The following AGBL1 variants were observed in gnomAD, a reference collection of about 807,000 sequenced individuals.
AGBL1 encodes the protein cytosolic carboxypeptidase 4.
In AGBL1, 130 loss-of-function variants were observed where a neutral mutation model predicts 118.9. The observed-to-expected ratio is 1.09, with a 90% CI of 0.95 to 1.26. The LOEUF (loss-of-function observed/expected upper bound fraction) is 1.26. Among genes scored for constraint, AGBL1 ranks in the 50% most tolerant of loss-of-function variants. The pLI, the probability that AGBL1 is intolerant of heterozygous loss-of-function variation, is 0.00. For missense variants in AGBL1, 1,584 were observed against 1,298.1 expected (o/e 1.22, Z -3.38); for synonymous variants, 555 against 478.9 (o/e 1.16, Z -2.08).
At chr15:86,829,556 G>GA (rs919935698) in intron 22 of AGBL1, among the ~76,000 whole-genome samples, 8 of 151,620 alleles carry the variant, frequency 5.3e-5, no homozygotes, top group African/African-American at 1.2e-4. Flanking sequence ...CTTGCCATTT[G>GA]AAAAAAAACA....
intron 22 of AGBL1, among the ~76,000 whole-genome samples, chr15:86,745,453 G>T (rs1017635141): frequency 2.0e-5 from 3 of 152,034 alleles, no homozygotes; most frequent in Non-Finnish European, 4.4e-5. Context: ...AAAGTTGTCA[G>T]TAAATGGTCT....
intron 18 of AGBL1, among the ~76,000 whole-genome samples, chr15:86,520,194 T>C (rs1441415138): frequency 6.6e-6 from 1 of 152,204 alleles, no homozygotes; most frequent in African/African-American, 2.4e-5. Flanking sequence ...TCCTTGAGCA[T>C]TTTAGATGTA....
chr15:86,206,496 G>C (rs1174112065), intron 5 of AGBL1, among the ~76,000 whole-genome samples: 1 of 152,116 alleles, frequency 6.6e-6, no homozygotes, highest in Non-Finnish European at 1.5e-5. Flanking sequence ...ACTTTTTAAT[G>C]ATCACCATTC....
chr15:86,507,747 T>A (rs1384835103), intron 18 of AGBL1, among the ~76,000 whole-genome samples: 1 of 152,098 alleles, frequency 6.6e-6, no homozygotes, highest in Non-Finnish European at 1.5e-5. Context: ...CTTGACATAG[T>A]CCAGGTAAAA....
At chr15:86,498,193 C>G (rs1260062313) in intron 18 of AGBL1, among the ~76,000 whole-genome samples, 2 of 151,884 alleles carry the variant, frequency 1.3e-5, no homozygotes, top group African/African-American at 4.8e-5. Context: ...GTCTGCTTTC[C>G]TCTTTATAAT....
In AGBL1 at chr15:86,154,529, G is replaced by T. The variant is rs1429171561; in HGVS notation, c.362G>T (p.Cys121Phe). The change falls in exon 4 of 23, where the codon TGT becomes TTT. Residue 121 changes from cysteine (C) to phenylalanine (F), a missense_variant. By Grantham distance (205) the Cys-to-Phe change is radical. Transcript: ENST00000614907. ...TCCCATGGCCAGAATCTCCTCCACTGTCTCTGGGCTCTGCGTGTGTTTGCC... is the reference window on the plus strand; with the variant it reads ...TCCCATGGCCAGAATCTCCTCCACTTTCTCTGGGCTCTGCGTGTGTTTGCC... Reference protein sequence around the residue: ...NLSHGQNLLHCLWALRVFASS... With the variant: ...NLSHGQNLLHFLWALRVFASS... 1.2e-6 allele frequency: 2 copies of T among 1,612,264 alleles called. No homozygotes were observed. The highest frequency in any genetic ancestry group is 8.5e-7 in the Non-Finnish European group (1 of 1,179,054).
At chr15:86,088,778 T>C (rs1192043187) in intron 1 of AGBL1, among the ~76,000 whole-genome samples, 1 of 152,208 alleles carries the variant, frequency 6.6e-6, no homozygotes, top group Non-Finnish European at 1.5e-5. Flanking sequence ...CAATTCTCAG[T>C]TTAAATACCT....
chr15:86,728,260 C>T (rs1357751309), intron 22 of AGBL1, among the ~76,000 whole-genome samples: 1 of 152,184 alleles, frequency 6.6e-6, no homozygotes, highest in African/African-American at 2.4e-5. Flanking sequence ...CCTTTGGCTT[C>T]CTGCTGCAGG....
At chr15:86,332,002 C>T (rs937989846) in intron 17 of AGBL1, among the ~76,000 whole-genome samples, 1 of 152,132 alleles carries the variant, frequency 6.6e-6, no homozygotes, top group Non-Finnish European at 1.5e-5. Context: ...AAACCAAGAC[C>T]CATCCATCTG....
intron 18 of AGBL1, among the ~76,000 whole-genome samples, chr15:86,402,651 A>G (rs1282900306): frequency 2.0e-5 from 3 of 152,160 alleles, no homozygotes; most frequent in Non-Finnish European, 4.4e-5. Flanking sequence ...CTCTCTCACC[A>G]ATAAAAATGG....
chr15:86,330,037 C>T (rs1356398262), intron 17 of AGBL1, among the ~76,000 whole-genome samples: 2 of 152,188 alleles, frequency 1.3e-5, no homozygotes, highest in African/African-American at 4.8e-5. Context: ...GGTGGCTGCT[C>T]GTTGGATTCT....
At chr15:86,132,819 A>AT (rs901788771) in intron 1 of AGBL1, among the ~76,000 whole-genome samples, 7 of 152,028 alleles carry the variant, frequency 4.6e-5, no homozygotes, top group African/African-American at 1.2e-4. Flanking sequence ...TGTTTTGTTT[A>AT]TTTTTTTTCT....
chr15:86,171,842 G>A (rs934222335), intron 5 of AGBL1, among the ~76,000 whole-genome samples: 4 of 152,136 alleles, frequency 2.6e-5, no homozygotes, highest in African/African-American at 4.8e-5. Context: ...TAAATATACC[G>A]TGGGATACCA....
chr15:86,433,358 A>C (rs1282558174), intron 18 of AGBL1, among the ~76,000 whole-genome samples: 1 of 138,852 alleles, frequency 7.2e-6, no homozygotes, highest in Non-Finnish European at 1.5e-5. Context: ...TGATTGCATC[A>C]TTCTAAATGA....
At chr15:86,259,098 A>G (rs2078943187) in intron 9 of AGBL1, among the ~76,000 whole-genome samples, 1 of 152,196 alleles carries the variant, frequency 6.6e-6, no homozygotes, top group Admixed American at 6.5e-5. Context: ...CACTGTTGGC[A>G]TTTAGACCGG....
At chr15:86,083,660 C>T (rs184107819) in intron 1 of AGBL1, 33 of 152,310 alleles carry the variant, frequency 2.2e-4, no homozygotes, top group Admixed American at 2.0e-3. Context: ...CCACTTCTCC[C>T]CCTTGGACTT....
At chr15:86,528,287 C>A (rs9745004) in intron 19 of AGBL1, among the ~76,000 whole-genome samples, 3,135 of 152,316 alleles carry the variant, frequency 0.021, 102 homozygotes, top group African/African-American at 0.071. Context: ...GAGGCATTGC[C>A]TCACCTGGGA....
At position 86,797,265 on chromosome 15, in the gene AGBL1, A is replaced by T. The variant is rs144201035; in HGVS notation, c.3159-109822A>T. ...TCAGTTAAACTGACATTTTGTGGGT[A>T]TGCACGCTGGAGCTCACTATCCCTG... is the stretch of plus-strand genomic sequence containing the variant. On this transcript the variant is annotated intron_variant, in intron 22 of 22. Transcript: ENST00000614907. Among the ~76,000 whole-genome samples, 212 of 152,340 alleles carry T rather than the reference A, an allele frequency of 1.4e-3. 1 individual carries two copies. The highest frequency in any genetic ancestry group is 4.8e-3 in the African/African-American group (199 of 41,590).
At chr15:86,194,451 C>T (rs1368196753) in intron 5 of AGBL1, among the ~76,000 whole-genome samples, 6 of 152,166 alleles carry the variant, frequency 3.9e-5, no homozygotes, top group Non-Finnish European at 7.4e-5. Flanking sequence ...TAGATCATAA[C>T]ATTACTTTCA....
Sources: gnomAD v4.1 joint callset for allele counts (sites outside exome capture counted in the v4.1 genomes callset) on GRCh38, gnomAD v4.1.1 for gene constraint, MANE v1.5 for transcripts, NCBI Gene and HGNC (gene_info 2026-07-23, HGNC 2026-07-21) for gene names.